CDK5RAP1: variants seen among roughly 807,000 people sequenced by gnomAD.
The protein encoded by CDK5RAP1 is CDK5RAP1 mitochondrial tRNA methylthiotransferase, also known as mitochondrial tRNA methylthiotransferase CDK5RAP1.
A neutral mutation model predicts 64.5 loss-of-function variants in CDK5RAP1; 62 were observed. That is an observed-to-expected ratio of 0.96 (90% CI 0.78 to 1.19). The LOEUF is 1.19. Ranked by LOEUF, CDK5RAP1 falls within the 50% of genes most tolerant of loss-of-function variation. The pLI is 0.00. For synonymous variants in CDK5RAP1, 250 were observed against 261.9 expected, an observed-to-expected ratio of 0.95 and a Z score of 0.44; for missense variants, 657 against 735.0, an observed-to-expected ratio of 0.89 and a Z score of 1.23.
intron 3 of CDK5RAP1, 80 bp from the exon 4 acceptor site, chr20:33,394,146 C>A: frequency 2.0e-5 from 18 of 919,032 alleles, no homozygotes; most frequent in Non-Finnish European, 2.4e-5. Flanking sequence ...CCCTACAGCT[C>A]TTTATTATTT....
At chr20:33,388,735 C>G (rs1416205257) in intron 5 of CDK5RAP1, among the ~76,000 whole-genome samples, 1 of 152,054 alleles carries the variant, frequency 6.6e-6, no homozygotes, top group Non-Finnish European at 1.5e-5. Flanking sequence ...CCTGATTCTC[C>G]TGCCTCAACC....
In CDK5RAP1 at chr20:33,358,869, G is replaced by A. The variant is rs149419964; in HGVS notation, c.*174C>T. ...CTTAGTTTAGGTAAATTTAATGACT[G>A]TAAAAGCTGTTCACATAGCAGCTTT... On this transcript the variant is annotated 3_prime_UTR_variant, in exon 14 of 14. Coordinates refer to ENST00000346416, the MANE Select transcript of CDK5RAP1 (RefSeq NM_016408.4). 303 of 585,364 alleles carry A rather than the reference G, an allele frequency of 5.2e-4. 1 individual carries two copies. In the African/African-American group the frequency reaches 5.2e-3, roughly 10 times the overall value. 36.3% of individuals were successfully genotyped at this position (585,364 alleles called of 1,614,324 possible). A position where few individuals can be genotyped will look rare whatever the true frequency, so the allele number is the denominator to read the frequency against.
chr20:33,386,775 T>TAA (rs11481511), intron 6 of CDK5RAP1, among the ~76,000 whole-genome samples: 20,481 of 139,152 alleles, frequency 0.15, 1,828 homozygotes, highest in East Asian at 0.38. Flanking sequence ...AACTTTTCTG[T>TAA]AAAAAAAAAA....
intron 10 of CDK5RAP1, among the ~76,000 whole-genome samples, chr20:33,372,346 CAAGAT>C (rs1434971600): frequency 1.3e-5 from 2 of 149,210 alleles, no homozygotes; most frequent in African/African-American, 2.5e-5. Flanking sequence ...TGTCACCTTA[CAAGAT>C]AAGATAAGGT....
In CDK5RAP1 at chr20:33,366,967, T is replaced by C. The variant is rs1568682627; in HGVS notation, c.1434A>G (p.Glu478=). 3.1e-6 allele frequency: 5 copies of C among 1,613,766 alleles called. No individual in the cohort carries two copies. The East Asian group carries it at 6.7e-5, about 22-fold the overall frequency. Residue 478 remains glutamate (E), a synonymous_variant, in exon 12 of 14, where the codon GAA becomes GAG. Coordinates refer to ENST00000346416, the MANE Select transcript of CDK5RAP1 (RefSeq NM_016408.4). ...AYHRLKDDVP[E]EVKLRRLEEL... is the part of the protein sequence containing the mutation. ...CCTCCAAACGCCTTAATTTTACCTC[T>C]TCCGGGACATCATCCTTCAGCCTAT...
At chr20:33,367,083 G>C in intron 11 of CDK5RAP1, 75 bp from the exon 12 acceptor site, 1 of 1,445,404 alleles carries the variant, frequency 6.9e-7, no homozygotes. Context: ...TGCACAGAGG[G>C]CGACCATGTT....
chr20:33,397,462 C>T (rs748015475), intron 1 of CDK5RAP1, among the ~76,000 whole-genome samples: 4 of 152,104 alleles, frequency 2.6e-5, no homozygotes, highest in Non-Finnish European at 5.9e-5. Context: ...GTTCCTATTC[C>T]GAAAGACATA....
chr20:33,360,501 G>A lies in CDK5RAP1; in HGVS notation c.1543-10C>T. Reference sequence around the variant, plus strand: ...CAGAGCGTTTACTGAGCTGCAGAAAGAAGAGAGAAGAGTTCGTGGATTTGT... The same window carrying A: ...CAGAGCGTTTACTGAGCTGCAGAAAAAAGAGAGAAGAGTTCGTGGATTTGT... On this transcript the variant is annotated splice_polypyrimidine_tract_variant and intron_variant, in intron 12 of 13. Transcript: ENST00000346416. The A allele has an allele frequency of 6.2e-7, 1 of 1,601,616 alleles. No homozygotes were observed. The highest frequency in any genetic ancestry group is 8.5e-7 in the Non-Finnish European group (1 of 1,175,320).
In CDK5RAP1 at chr20:33,374,212, C is replaced by A. The variant is rs1348458125; in HGVS notation, c.1108G>T (p.Val370Phe). 1.3e-6 allele frequency: 2 copies of A among 1,596,962 alleles called. No homozygotes were observed. Among genetic ancestry groups the A allele is most frequent in the Non-Finnish European group, 1.7e-6 (2 of 1,164,498 alleles). Residue 370 changes from valine to phenylalanine, a missense_variant and splice_region_variant, in exon 9 of 14, where the codon GTT becomes TTT. Transcript: ENST00000346416. ...TCTCTCTCATGAATCAGCTGCAGAA[C>A]CTGATGAAACAGAACACATTATAGG... ...SPHPKDFPDEVLQLIHERDNI... is the reference protein window; with the variant it reads ...SPHPKDFPDEFLQLIHERDNI...
At chr20:33,399,942 G>A (rs1032792294) in intron 1 of CDK5RAP1, among the ~76,000 whole-genome samples, 2 of 152,200 alleles carry the variant, frequency 1.3e-5, no homozygotes, top group Non-Finnish European at 2.9e-5. Context: ...AACTTGGGAA[G>A]CTGAGGTAGG....
At chr20:33,391,181 G>C (rs141407127) in intron 5 of CDK5RAP1, among the ~76,000 whole-genome samples, 3,099 of 150,198 alleles carry the variant, frequency 0.021, 103 homozygotes, top group African/African-American at 0.071. Context: ...TTGAGCCCAG[G>C]AGTTGGAGGC....
intron 12 of CDK5RAP1, among the ~76,000 whole-genome samples, chr20:33,364,669 G>A (rs548191982): frequency 1.3e-5 from 2 of 151,902 alleles, no homozygotes; most frequent in East Asian, 3.9e-4. Context: ...CCGCCTCCCA[G>A]GTTCAAGCCA....
chr20:33,375,849 T>A (rs1243934671), intron 8 of CDK5RAP1, among the ~76,000 whole-genome samples: 1 of 152,162 alleles, frequency 6.6e-6, no homozygotes, highest in Non-Finnish European at 1.5e-5. Flanking sequence ...CATACCTTAA[T>A]TTCATTATAT....
chr20:33,379,389 C>A, intron 8 of CDK5RAP1, 72 bp downstream of exon 8: 1 of 1,072,500 alleles, frequency 9.3e-7, no homozygotes. Flanking sequence ...TCTGCTGCAT[C>A]CCTACTGGGT....
chr20:33,378,915 TC>T (rs1986378719), intron 8 of CDK5RAP1, among the ~76,000 whole-genome samples: 1 of 152,034 alleles, frequency 6.6e-6, no homozygotes, highest in Non-Finnish European at 1.5e-5. Flanking sequence ...GGTCTTAACC[TC>T]CCGCTGAATA....
intron 9 of CDK5RAP1, chr20:33,373,743 T>A (rs1600731627): frequency 5.2e-6 from 1 of 193,690 alleles, no homozygotes. Flanking sequence ...AGGTGCTTAA[T>A]TAAAAAAAAA....
chr20:33,386,988 G>A (rs1292392052), intron 6 of CDK5RAP1, among the ~76,000 whole-genome samples: 1 of 146,460 alleles, frequency 6.8e-6, no homozygotes, highest in Non-Finnish European at 1.5e-5. Context: ...CCATGGCCAG[G>A]CGCAGTGGCT....
intron 8 of CDK5RAP1, among the ~76,000 whole-genome samples, chr20:33,378,368 G>A (rs1377028718): frequency 6.6e-6 from 1 of 152,094 alleles, no homozygotes; most frequent in Non-Finnish European, 1.5e-5. Flanking sequence ...TGTGGCTCAT[G>A]GTGTTCCGAA....
rs1203763019 is a variant in CDK5RAP1, at chr20:33,401,426, A to T, written c.-21+2T>A. The T allele has an allele frequency of 1.0e-6, 1 of 985,146 alleles. No homozygotes were observed. The highest frequency in any genetic ancestry group is 1.2e-6 in the Non-Finnish European group (1 of 829,922). 61.0% of individuals were successfully genotyped at this position (985,146 alleles called of 1,614,324 possible). ...GCCCACCCCGGCGGCCGCGCTGCTC[A>T]CCTCCCGCAGCAGCAACAGTGCCCG... On this transcript the variant is annotated splice_donor_variant, in intron 1 of 13. Transcript: ENST00000346416. LOFTEE classifies it low-confidence loss of function (5UTR_SPLICE).
Sources: gnomAD v4.1 joint callset for allele counts (sites outside exome capture counted in the v4.1 genomes callset) on GRCh38, gnomAD v4.1.1 for gene constraint, MANE v1.5 for transcripts, NCBI Gene and HGNC (gene_info 2026-07-23, HGNC 2026-07-21) for gene names.